Variants in PREX1 observed in about 807,000 individuals in gnomAD.
The protein encoded by PREX1 is phosphatidylinositol-3,4,5-trisphosphate dependent Rac exchange factor 1.
PREX1 carries 41 observed loss-of-function variants against 198.3 expected under a neutral mutation model. That is an observed-to-expected ratio of 0.21 (90% confidence interval 0.16 to 0.27). The LOEUF (loss-of-function observed/expected upper bound fraction) is 0.27. Among genes scored for constraint, PREX1 ranks in the 10% least tolerant of loss-of-function variants. The pLI, the probability that PREX1 is intolerant of heterozygous loss-of-function variation, is 1.00. For missense variants in PREX1, 1,620 were observed against 2,200.7 expected, an observed-to-expected ratio of 0.74 and a Z score of 5.28; for synonymous variants, 843 against 887.2, an observed-to-expected ratio of 0.95 and a Z score of 0.89.
At chr20:48,873,554 C>CAAAAA in the PREX1 span, among the ~76,000 whole-genome samples, 2 of 70,092 alleles carry the variant, frequency 2.9e-5, no homozygotes, top group African/African-American at 5.0e-5. Context: ...AGTAAAAATA[C>CAAAAA]AAAAAAAAAA....
chr20:48,726,655 G>A (rs770486815), intron 4 of PREX1, among the ~76,000 whole-genome samples: 5 of 152,190 alleles, frequency 3.3e-5, no homozygotes, highest in Non-Finnish European at 5.9e-5. Context: ...AAGCTACAAC[G>A]GCAGAGCTGA....
intron 1 of PREX1, among the ~76,000 whole-genome samples, chr20:48,783,299 G>A (rs1164666295): frequency 6.6e-6 from 1 of 152,162 alleles, no homozygotes; most frequent in East Asian, 1.9e-4. Context: ...TGGTGAGACA[G>A]AAACAGAGGA....
intron 24 of PREX1, 102 bp from the exon 25 acceptor site, chr20:48,649,678 A>C (rs1260856957): frequency 7.5e-7 from 1 of 1,340,686 alleles, no homozygotes; most frequent in Admixed American, 2.7e-5. Flanking sequence ...CCAATGAAGG[A>C]GAAAAATGTC....
At chr20:48,853,673 C>T in the PREX1 span, among the ~76,000 whole-genome samples, 1 of 152,212 alleles carries the variant, frequency 6.6e-6, no homozygotes, top group Non-Finnish European at 1.5e-5. Flanking sequence ...ATCCAACGCA[C>T]ATGCACACAT....
chr20:48,777,225 C>T (rs2090266401), intron 1 of PREX1, among the ~76,000 whole-genome samples: 2 of 152,148 alleles, frequency 1.3e-5, no homozygotes, highest in African/African-American at 2.4e-5. Flanking sequence ...ACACGAGGCA[C>T]AAACACCAGA....
chr20:48,732,323 A>G (rs971678764), intron 4 of PREX1, among the ~76,000 whole-genome samples: 1 of 151,790 alleles, frequency 6.6e-6, no homozygotes, highest in Non-Finnish European at 1.5e-5. Context: ...CACATTTGGA[A>G]TCGAAATTCT....
chr20:48,812,016 C>T (rs531283875), intron 1 of PREX1, among the ~76,000 whole-genome samples: 1 of 152,318 alleles, frequency 6.6e-6, no homozygotes, highest in South Asian at 2.1e-4. Context: ...TCCTGAAAAG[C>T]GAGATGATTG....
At chr20:48,857,472 A>G in the PREX1 span, among the ~76,000 whole-genome samples, 4 of 152,342 alleles carry the variant, frequency 2.6e-5, no homozygotes, top group South Asian at 8.3e-4. Context: ...ACTTGAGCCC[A>G]GGAGTTTGAA....
At chr20:48,678,159 C>A (rs2089722245) in intron 13 of PREX1, among the ~76,000 whole-genome samples, 1 of 152,082 alleles carries the variant, frequency 6.6e-6, no homozygotes, top group Admixed American at 6.5e-5. Context: ...ACTAAAAATA[C>A]AAAAATTAGC....
At chr20:48,796,381 G>A (rs2090362388) in intron 1 of PREX1, among the ~76,000 whole-genome samples, 1 of 151,442 alleles carries the variant, frequency 6.6e-6, no homozygotes, top group African/African-American at 2.4e-5. Flanking sequence ...AATTCCATGT[G>A]CTATCATGGA....
chr20:48,686,383 C>A (rs981456982), intron 10 of PREX1, among the ~76,000 whole-genome samples: 2 of 152,182 alleles, frequency 1.3e-5, no homozygotes, highest in Non-Finnish European at 2.9e-5. Flanking sequence ...GAAAGGCTGG[C>A]CCTTTCGGAC....
chr20:48,747,935 A>G, intron 1 of PREX1, 55 bp from the exon 2 acceptor site: 1 of 1,504,280 alleles, frequency 6.6e-7, no homozygotes, highest in Non-Finnish European at 9.1e-7. Context: ...TCTCCCATGG[A>G]CGGCCCTACA....
At chr20:48,658,380 C>G (rs2089562170) in intron 16 of PREX1, 152 bp from the exon 17 acceptor site, 2 of 698,852 alleles carry the variant, frequency 2.9e-6, no homozygotes. Context: ...ACGCAAACAG[C>G]ACCTGGCAGA....
rs542214104 is a variant in PREX1 at position 48,801,070 on chromosome 20, A to G, written c.219+26572T>C. 3.3e-5 allele frequency among the ~76,000 whole-genome samples: 5 copies of G among 152,250 alleles called. No homozygotes were observed. In the East Asian group the frequency reaches 9.6e-4, roughly 29 times the overall value. On this transcript the variant is annotated intron_variant, in intron 1 of 39. Transcript: ENST00000371941. Reference sequence around the variant, plus strand: ...CTATCACCAGGATAAAATGGGGATAATAAGAATCCTTCCCTCACAGGCTGC... The same window carrying G: ...CTATCACCAGGATAAAATGGGGATAGTAAGAATCCTTCCCTCACAGGCTGC...
chr20:48,811,636 A>C (rs2090436521), intron 1 of PREX1, among the ~76,000 whole-genome samples: 1 of 140,824 alleles, frequency 7.1e-6, no homozygotes, highest in South Asian at 2.3e-4. Context: ...CCCCACACAC[A>C]CACACACGTA....
At chr20:48,856,908 C>T in the PREX1 span, among the ~76,000 whole-genome samples, 1 of 152,222 alleles carries the variant, frequency 6.6e-6, no homozygotes, top group Non-Finnish European at 1.5e-5. Context: ...AGCATGATCT[C>T]GGTTCACTGC....
chr20:48,839,114 C>T, the PREX1 span, among the ~76,000 whole-genome samples: 22 of 150,480 alleles, frequency 1.5e-4, no homozygotes, highest in Non-Finnish European at 3.2e-4. Context: ...TTTCACATTT[C>T]CCCAATTTTC....
intron 25 of PREX1, among the ~76,000 whole-genome samples, chr20:48,648,113 C>T (rs913196088): frequency 6.6e-6 from 1 of 152,064 alleles, no homozygotes; most frequent in Non-Finnish European, 1.5e-5. Flanking sequence ...CACTACGTTG[C>T]CCAGGCTGGT....
chr20:48,708,198 C>T (rs1233698058), intron 6 of PREX1, 62 bp downstream of exon 6: 2 of 1,567,948 alleles, frequency 1.3e-6, no homozygotes, highest in Non-Finnish European at 1.7e-6. Flanking sequence ...CAGTTCATGA[C>T]TGCACCTGTG....
Sources: gnomAD v4.1 joint callset for allele counts (sites outside exome capture counted in the v4.1 genomes callset) on GRCh38, gnomAD v4.1.1 for gene constraint, MANE v1.5 for transcripts, NCBI Gene and HGNC (gene_info 2026-07-23, HGNC 2026-07-21) for gene names.